The following PRKCA variants were observed in gnomAD, a reference collection of about 807,000 sequenced individuals.
PRKCA encodes the protein protein kinase C alpha type.
Under a neutral mutation model 87.0 loss-of-function variants are expected in PRKCA, and 27 were observed. The ratio of observed to expected loss-of-function variants is 0.31; its 90% confidence interval spans 0.23 to 0.43. The LOEUF (loss-of-function observed/expected upper bound fraction) is 0.43, where lower values mean the gene tolerates loss of function less well. PRKCA is among the 20% of genes least tolerant of loss of function. The pLI, the probability that PRKCA is intolerant of heterozygous loss-of-function variation, is 1.00. For synonymous variants in PRKCA, 329 were observed against 311.1 expected (o/e 1.06, Z -0.61); for missense variants, 518 against 852.3 (o/e 0.61, Z 4.88).
intron 2 of PRKCA, among the ~76,000 whole-genome samples, chr17:66,309,474 A>G (rs1188242221): frequency 6.6e-6 from 1 of 152,188 alleles, no homozygotes; most frequent in Non-Finnish European, 1.5e-5. Flanking sequence ...CAATATAGGT[A>G]TACAATCCTG....
rs977568785 is a variant in PRKCA, at chr17:66,765,951, G to A, written c.1525-8036G>A. Among the ~76,000 whole-genome samples the A allele has an allele frequency of 9.2e-5, 14 of 152,286 alleles. No homozygotes were observed. In the East Asian group the frequency reaches 1.7e-3, roughly 19 times the overall value. On this transcript the variant is annotated intron_variant, in intron 13 of 16. Transcript: ENST00000413366. ...GTAACTGAGATCTTCAGGACCTCCC[G>A]TGTTATCTGGTACACAACAAGCCAA...
At position 66,607,570 on chromosome 17, in the gene PRKCA, A is replaced by C. The variant is rs915324561; in HGVS notation, c.289-33785A>C. Reference sequence around the variant, plus strand: ...TTATGTCTTGATATTGATCCCAAAGAATGTGCGTCAAACTAAGAAAGTTAA... The same window carrying C: ...TTATGTCTTGATATTGATCCCAAAGCATGTGCGTCAAACTAAGAAAGTTAA... On this transcript the variant is annotated intron_variant, in intron 3 of 16. Transcript: ENST00000413366. Among the ~76,000 whole-genome samples, 34 of 152,222 alleles carry C rather than the reference A, an allele frequency of 2.2e-4. 1 individual carries two copies. The highest frequency in any genetic ancestry group is 8.2e-4 in the African/African-American group (34 of 41,454).
chr17:66,409,855 T>C (rs1911670512), intron 2 of PRKCA, among the ~76,000 whole-genome samples: 6 of 152,124 alleles, frequency 3.9e-5, no homozygotes, highest in Admixed American at 3.9e-4. Flanking sequence ...GAGGTGGAGC[T>C]TGCAGTGAGC....
intron 13 of PRKCA, among the ~76,000 whole-genome samples, chr17:66,743,848 C>T (rs1437859953): frequency 1.3e-5 from 2 of 152,180 alleles, no homozygotes; most frequent in Non-Finnish European, 2.9e-5. Context: ...GTGAAAAAGG[C>T]ACCCACAAGC....
intron 3 of PRKCA, among the ~76,000 whole-genome samples, chr17:66,584,845 A>G (rs1969544581): frequency 6.6e-6 from 1 of 152,046 alleles, no homozygotes; most frequent in African/African-American, 2.4e-5. Flanking sequence ...ATTTAATTAC[A>G]CCTGCAAAAA....
At chr17:66,781,849 TGAGAGAGA>T (rs56164343) in intron 14 of PRKCA, among the ~76,000 whole-genome samples, 5 of 131,506 alleles carry the variant, frequency 3.8e-5, no homozygotes, top group African/African-American at 1.2e-4. Context: ...GTAAATTTTG[TGAGAGAGA>T]GAGAGAGAGA....
chr17:66,695,490 A>C (rs1972894726), intron 8 of PRKCA, among the ~76,000 whole-genome samples: 2 of 152,200 alleles, frequency 1.3e-5, no homozygotes, highest in Admixed American at 1.3e-4. Flanking sequence ...GGAGATTCTA[A>C]TATTAAAAAG....
At chr17:66,377,936 A>G (rs1372126512) in intron 2 of PRKCA, among the ~76,000 whole-genome samples, 2 of 151,706 alleles carry the variant, frequency 1.3e-5, no homozygotes, top group African/African-American at 4.8e-5. Flanking sequence ...TATTATTGTC[A>G]TTACTGTTCA....
intron 3 of PRKCA, among the ~76,000 whole-genome samples, chr17:66,605,171 G>T (rs576620397): frequency 2.6e-5 from 4 of 152,194 alleles, no homozygotes; most frequent in Non-Finnish European, 5.9e-5. Context: ...CCAATGTATT[G>T]CAGTAACAAG....
Position 66,531,910 on chromosome 17 carries a change from C to T in PRKCA, c.288+35627C>T, listed in dbSNP as rs568806928. ...ACCTCATAGTCTGGAGCCCATGTTT[C>T]CAGGGGTGGAATTTGATTTTCCCAG... On this transcript the variant is annotated intron_variant, in intron 3 of 16. Transcript: ENST00000413366. Among the ~76,000 whole-genome samples the T allele has an allele frequency of 4.6e-4, 70 of 152,296 alleles. 1 individual carries two copies. The highest frequency in any genetic ancestry group is 1.6e-3 in the African/African-American group (68 of 41,570).
chr17:66,728,796 G>A lies in PRKCA; in HGVS notation c.919-3892G>A, dbSNP rs951617390. On this transcript the variant is annotated intron_variant, in intron 8 of 16. Transcript: ENST00000413366. ...TGGTGACTTGTCAAAGGAGGAAGGC[G>A]GAATGACTGTCTGGGAATGTCAGAG... 1.2e-4 allele frequency among the ~76,000 whole-genome samples: 18 copies of A among 152,290 alleles called. No homozygotes were observed. The East Asian group carries it at 1.9e-3, about 16-fold the overall frequency.
At chr17:66,501,732 A>C (rs1011697400) in intron 3 of PRKCA, among the ~76,000 whole-genome samples, 1 of 152,168 alleles carries the variant, frequency 6.6e-6, no homozygotes, top group Non-Finnish European at 1.5e-5. Flanking sequence ...AATAAGACAA[A>C]AGTGCTCTGT....
chr17:66,781,063 C>T (rs935533192), intron 14 of PRKCA, among the ~76,000 whole-genome samples: 7 of 152,116 alleles, frequency 4.6e-5, no homozygotes, highest in South Asian at 2.1e-4. Flanking sequence ...GAGCTGAGAT[C>T]GCACCACTGC....
At chr17:66,724,194 G>A (rs1201346950) in intron 8 of PRKCA, among the ~76,000 whole-genome samples, 1 of 152,074 alleles carries the variant, frequency 6.6e-6, no homozygotes, top group Non-Finnish European at 1.5e-5. Context: ...TACTTGGGAA[G>A]CTTAGGCAGG....
intron 3 of PRKCA, among the ~76,000 whole-genome samples, chr17:66,611,255 GCC>G (rs1970355427): frequency 2.0e-5 from 3 of 152,038 alleles, no homozygotes; most frequent in African/African-American, 7.2e-5. Context: ...TTTTGTGTAT[GCC>G]TAGAGTTGTA....
chr17:66,497,104 C>T (rs563353178), intron 3 of PRKCA, among the ~76,000 whole-genome samples: 2 of 152,356 alleles, frequency 1.3e-5, no homozygotes, highest in Admixed American at 1.3e-4. Context: ...ATCTGTTTCA[C>T]TGAACAGTGA....
chr17:66,592,339 G>A (rs1311015049), intron 3 of PRKCA, among the ~76,000 whole-genome samples: 4 of 30,248 alleles, frequency 1.3e-4, no homozygotes, highest in East Asian at 6.3e-4. Context: ...TGGGTGATCC[G>A]TCTCAAAAAA....
chr17:66,744,316 C>A (rs149841096), intron 13 of PRKCA, among the ~76,000 whole-genome samples: 1 of 152,168 alleles, frequency 6.6e-6, no homozygotes, highest in South Asian at 2.1e-4. Context: ...GTCAGAAATA[C>A]AATCTCTTGA....
intron 3 of PRKCA, among the ~76,000 whole-genome samples, chr17:66,496,960 T>C (rs1450809460): frequency 6.6e-6 from 1 of 152,170 alleles, no homozygotes; most frequent in Non-Finnish European, 1.5e-5. Context: ...AGTTTACTTC[T>C]AAGCTGAAAT....
Sources: gnomAD v4.1 joint callset for allele counts (sites outside exome capture counted in the v4.1 genomes callset) on GRCh38, gnomAD v4.1.1 for gene constraint, MANE v1.5 for transcripts, NCBI Gene and HGNC (gene_info 2026-07-23, HGNC 2026-07-21) for gene names.